ATP13A3: variants seen among roughly 807,000 people sequenced by gnomAD.
ATP13A3 encodes polyamine-transporting ATPase 13A3.
A neutral mutation model predicts 158.1 loss-of-function variants in ATP13A3; 59 were observed. That is an observed-to-expected ratio of 0.37 (90% confidence interval 0.30 to 0.46). The LOEUF (loss-of-function observed/expected upper bound fraction) is 0.46, where lower values mean the gene tolerates loss of function less well. Among genes scored for constraint, ATP13A3 ranks in the 20% least tolerant of loss-of-function variants. The probability of loss-of-function intolerance (pLI) is 1.00; values close to 1 mark genes in which losing one functional copy is unlikely to be tolerated. For synonymous variants in ATP13A3, 491 were observed against 504.3 expected, an observed-to-expected ratio of 0.97 and a Z score of 0.35; for missense variants, 1,166 against 1,525.2, an observed-to-expected ratio of 0.76 and a Z score of 3.92.
At chr3:194,459,389 T>C in intron 6 of ATP13A3, 82 bp downstream of exon 6, 1 of 924,668 alleles carries the variant, frequency 1.1e-6, no homozygotes, top group Non-Finnish European at 1.7e-6. Context: ...AGCAATTTTA[T>C]GAATACTAGA....
Position 194,448,753 on chromosome 3 carries a change from C to G in ATP13A3, c.971-117G>C. ...GTTAAATATTTTAAATGCTACCATA[C>G]TGTTTACAATAATCACTGAGAGTTG... On this transcript the variant is annotated intron_variant, in intron 11 of 33. Transcript: ENST00000645319. The surrounding 1 kb of genome is among the most constrained non-coding windows in gnomAD (Gnocchi z 4.0). 9.3e-7 allele frequency: 1 copy of G among 1,074,434 alleles called. No individual in the cohort carries two copies. The highest frequency in any genetic ancestry group is 1.3e-6 in the Non-Finnish European group (1 of 769,334). The allele number at this position is 1,074,434 out of a possible 1,614,324, so 66.6% of individuals were successfully genotyped here.
At chr3:194,468,883 A>C (rs573474723) in intron 2 of ATP13A3, among the ~76,000 whole-genome samples, 1 of 152,356 alleles carries the variant, frequency 6.6e-6, no homozygotes, top group East Asian at 1.9e-4. Flanking sequence ...ACTAAAATTA[A>C]AAATGCATTA....
intron 2 of ATP13A3, among the ~76,000 whole-genome samples, chr3:194,482,745 G>A (rs1720800294): frequency 6.6e-6 from 1 of 152,194 alleles, no homozygotes; most frequent in South Asian, 2.1e-4. Flanking sequence ...GGCTGAGGCA[G>A]GAGGATCACT....
At chr3:194,415,662 T>TG (rs199606952) in intron 31 of ATP13A3, among the ~76,000 whole-genome samples, 268 of 76,594 alleles carry the variant, frequency 3.5e-3, no homozygotes, top group African/African-American at 0.033. Context: ...TACCACATTC[T>TG]TTTTTTTTTT....
At chr3:194,445,523 T>G (rs1180337945) in intron 14 of ATP13A3, among the ~76,000 whole-genome samples, 1 of 152,190 alleles carries the variant, frequency 6.6e-6, no homozygotes, top group African/African-American at 2.4e-5. Flanking sequence ...TGACAATGTG[T>G]TGATAACTGA....
In ATP13A3 at chr3:194,454,345, C is replaced by G; in HGVS notation, c.678G>C (p.Trp226Cys). 1 of 1,610,268 alleles carries G rather than the reference C, an allele frequency of 6.2e-7. No homozygotes were observed. Among genetic ancestry groups the G allele is most frequent in the South Asian group, 1.1e-5 (1 of 90,970 alleles). Residue 226 changes from tryptophan to cysteine, a missense_variant, in exon 9 of 34, where the codon TGG becomes TGC. This residue lies in a region of ATP13A3 where 997 missense variants were observed against 1,341.2 expected (regional missense o/e 0.74). Transcript: ENST00000645319. ...YIFQLFSVILWSTDEYYYYAL... is the reference protein window; with the variant it reads ...YIFQLFSVILCSTDEYYYYAL... ...CATAGTAATAGTATTCATCAGTGCT[C>G]CACAGTATAACACTGAACAGCTGGA...
intron 31 of ATP13A3, among the ~76,000 whole-genome samples, chr3:194,414,420 G>A (rs906631306): frequency 6.7e-6 from 1 of 149,616 alleles, no homozygotes; most frequent in Non-Finnish European, 1.5e-5. Flanking sequence ...CCGAGATCCT[G>A]CCACTGTACT....
At chr3:194,420,194 A>G (rs6793096) in intron 30 of ATP13A3, 78,987 of 260,750 alleles carry the variant, frequency 0.3, 16,464 homozygotes, top group African/African-American at 0.69. Context: ...AACTCCATTA[A>G]CTTTAACCGT....
intron 4 of ATP13A3, among the ~76,000 whole-genome samples, chr3:194,460,387 C>T (rs181232146): frequency 6.6e-6 from 1 of 152,252 alleles, no homozygotes; most frequent in African/African-American, 2.4e-5. Context: ...CCTAATGGAC[C>T]AGCACCGTAA....
At chr3:194,483,142 G>C (rs916151144) in intron 2 of ATP13A3, among the ~76,000 whole-genome samples, 1 of 151,258 alleles carries the variant, frequency 6.6e-6, no homozygotes, top group Non-Finnish European at 1.5e-5. Flanking sequence ...AAATTAGCCA[G>C]ACATGATGGC....
At chr3:194,425,234 A>G in intron 30 of ATP13A3, 108 bp downstream of exon 30, 1 of 1,033,166 alleles carries the variant, frequency 9.7e-7, no homozygotes, top group Non-Finnish European at 1.4e-6. Context: ...AGTTGATTCT[A>G]TCTGTGAAGA....
At chr3:194,429,926 C>A (rs1717094572) in intron 26 of ATP13A3, 146 bp downstream of exon 26, 5 of 951,668 alleles carry the variant, frequency 5.3e-6, no homozygotes, top group Non-Finnish European at 7.9e-6. Flanking sequence ...TGAGGAGTAG[C>A]AATCAATCTG....
intron 31 of ATP13A3, among the ~76,000 whole-genome samples, chr3:194,414,954 A>G (rs938140633): frequency 6.6e-6 from 1 of 152,204 alleles, no homozygotes; most frequent in Non-Finnish European, 1.5e-5. Flanking sequence ...ATAGATGGTG[A>G]TTACAGGTGA....
At chr3:194,412,647 T>C (rs1032011301) in intron 32 of ATP13A3, 3 of 217,390 alleles carry the variant, frequency 1.4e-5, no homozygotes, top group African/African-American at 6.9e-5. Context: ...TCTATAGATA[T>C]ATAATTTCAT....
chr3:194,450,014 A>G, intron 11 of ATP13A3, 131 bp downstream of exon 11: 1 of 968,918 alleles, frequency 1.0e-6, no homozygotes, highest in South Asian at 1.7e-5. Flanking sequence ...TCAGAATTTT[A>G]AATCTCCAAT....
chr3:194,429,838 C>T, intron 26 of ATP13A3, 64 bp from the exon 27 acceptor site: 8 of 1,406,974 alleles, frequency 5.7e-6, no homozygotes, highest in Admixed American at 1.8e-5. Flanking sequence ...TTCCAAACCA[C>T]AATTTTATCT....
intron 30 of ATP13A3, among the ~76,000 whole-genome samples, chr3:194,425,087 T>C (rs1446119762): frequency 1.3e-5 from 2 of 152,172 alleles, no homozygotes; most frequent in Non-Finnish European, 2.9e-5. Flanking sequence ...CCACAATGGG[T>C]TGCAGAAATA....
At chr3:194,465,626 T>C (rs995612983) in intron 2 of ATP13A3, among the ~76,000 whole-genome samples, 2 of 152,178 alleles carry the variant, frequency 1.3e-5, no homozygotes. Flanking sequence ...GCTCTGGTAC[T>C]GCCTAACAAA....
At chr3:194,426,537 T>G (rs1716786393) in intron 29 of ATP13A3, among the ~76,000 whole-genome samples, 1 of 152,166 alleles carries the variant, frequency 6.6e-6, no homozygotes, top group Non-Finnish European at 1.5e-5. Flanking sequence ...CTTTCTTATT[T>G]TACAGATAAG....
Sources: gnomAD v4.1 joint callset for allele counts (sites outside exome capture counted in the v4.1 genomes callset) on GRCh38, gnomAD v4.1.1 for gene constraint, gnomAD v4.1.1 regional missense constraint, Gnocchi (gnomAD v3.1) non-coding constraint, MANE v1.5 for transcripts, NCBI Gene and HGNC (gene_info 2026-07-23, HGNC 2026-07-21) for gene names.